Variants in MAGI3 observed in about 807,000 individuals in gnomAD.
MAGI3 encodes the protein membrane associated guanylate kinase, WW and PDZ domain containing 3, also known as membrane-associated guanylate kinase, WW and PDZ domain-containing protein 3.
Under a neutral mutation model 121.8 loss-of-function variants are expected in MAGI3, and 43 were observed. The ratio of observed to expected loss-of-function variants is 0.35; its 90% CI spans 0.28 to 0.46. The LOEUF (loss-of-function observed/expected upper bound fraction) is 0.46. Ranked by LOEUF, MAGI3 falls within the 20% of genes least tolerant of loss-of-function variation. The probability of loss-of-function intolerance (pLI) is 1.00; values close to 1 mark genes in which losing one functional copy is unlikely to be tolerated. For synonymous variants in MAGI3, 553 were observed against 639.3 expected, an observed-to-expected ratio of 0.86 and a Z score of 2.04; for missense variants, 1,547 against 1,797.3, an observed-to-expected ratio of 0.86 and a Z score of 2.52.
intron 1 of MAGI3, among the ~76,000 whole-genome samples, chr1:113,417,987 A>G (rs1193049312): frequency 1.3e-5 from 2 of 152,078 alleles, no homozygotes; most frequent in Non-Finnish European, 2.9e-5. Context: ...AATATTTTTT[A>G]TATCCTCATC....
intron 1 of MAGI3, among the ~76,000 whole-genome samples, chr1:113,536,279 C>T (rs941923826): frequency 6.6e-6 from 1 of 151,850 alleles, no homozygotes; most frequent in African/African-American, 2.4e-5. Flanking sequence ...ACAGGGTTTG[C>T]CACTGTGTCA....
At chr1:113,621,842 C>A (rs932785157) in intron 8 of MAGI3, among the ~76,000 whole-genome samples, 21 of 151,680 alleles carry the variant, frequency 1.4e-4, no homozygotes, top group Non-Finnish European at 2.8e-4. Context: ...GTGAAAGAAA[C>A]CATTCAAAAA....
intron 9 of MAGI3, among the ~76,000 whole-genome samples, chr1:113,634,109 T>G (rs538222363): frequency 4.4e-4 from 67 of 152,314 alleles, no homozygotes; most frequent in Non-Finnish European, 7.6e-4. Flanking sequence ...TAAATTTGTT[T>G]GAGTTCATTG....
intron 17 of MAGI3, 133 bp from the exon 18 acceptor site, chr1:113,672,482 A>G: frequency 4.6e-6 from 4 of 869,272 alleles, no homozygotes; most frequent in Non-Finnish European, 5.0e-6. Flanking sequence ...TTTTAGATAT[A>G]GTCTGTCTTC....
intron 1 of MAGI3, among the ~76,000 whole-genome samples, chr1:113,540,152 A>G (rs776450446): frequency 6.6e-6 from 1 of 152,232 alleles, no homozygotes; most frequent in Non-Finnish European, 1.5e-5. Flanking sequence ...TGTGTCTTTG[A>G]AGTCTACAGT....
intron 1 of MAGI3, among the ~76,000 whole-genome samples, chr1:113,419,791 C>T (rs957995932): frequency 1.3e-5 from 2 of 152,132 alleles, no homozygotes; most frequent in African/African-American, 2.4e-5. Context: ...GGTCAGAGGT[C>T]TAAGTGGGTA....
At chr1:113,578,647 T>C (rs994387942) in intron 2 of MAGI3, among the ~76,000 whole-genome samples, 2 of 152,130 alleles carry the variant, frequency 1.3e-5, no homozygotes, top group African/African-American at 4.8e-5. Flanking sequence ...TGAGTTAATG[T>C]CTAATGTTAA....
chr1:113,616,147 T>C (rs1650447120), intron 7 of MAGI3, among the ~76,000 whole-genome samples: 1 of 152,194 alleles, frequency 6.6e-6, no homozygotes, highest in African/African-American at 2.4e-5. Context: ...GATATAATAT[T>C]AAAGCAACTT....
At chr1:113,632,429 T>C (rs1267751970) in intron 9 of MAGI3, among the ~76,000 whole-genome samples, 6 of 152,206 alleles carry the variant, frequency 3.9e-5, no homozygotes, top group Non-Finnish European at 1.5e-5. Flanking sequence ...ATTGAGTTTT[T>C]TAAAAGCCAT....
chr1:113,631,920 A>G (rs1651657225), intron 9 of MAGI3, among the ~76,000 whole-genome samples: 1 of 152,162 alleles, frequency 6.6e-6, no homozygotes, highest in South Asian at 2.1e-4. Context: ...AAGGTTGAAG[A>G]CTAGTTTCTG....
chr1:113,647,954 C>G (rs1458978451), intron 12 of MAGI3, among the ~76,000 whole-genome samples: 3 of 148,894 alleles, frequency 2.0e-5, no homozygotes, highest in African/African-American at 7.5e-5. Context: ...CAGAGTCTTG[C>G]TCTGTCACCC....
At chr1:113,611,711 C>T (rs1650147819) in intron 6 of MAGI3, among the ~76,000 whole-genome samples, 1 of 152,042 alleles carries the variant, frequency 6.6e-6, no homozygotes, top group Non-Finnish European at 1.5e-5. Context: ...TGTCACAGTT[C>T]ACCTTAATCA....
At chr1:113,458,518 A>G (rs1475384150) in intron 1 of MAGI3, among the ~76,000 whole-genome samples, 1 of 151,906 alleles carries the variant, frequency 6.6e-6, no homozygotes. Context: ...TTTTACTTTT[A>G]TATTTTTTTG....
chr1:113,485,788 T>C (rs1656354175), intron 1 of MAGI3, among the ~76,000 whole-genome samples: 1 of 152,232 alleles, frequency 6.6e-6, no homozygotes, highest in South Asian at 2.1e-4. Flanking sequence ...AGAATCTTTA[T>C]GATTTCAGGT....
intron 1 of MAGI3, among the ~76,000 whole-genome samples, chr1:113,433,995 C>CT (rs1478463338): frequency 6.6e-6 from 1 of 152,052 alleles, no homozygotes; most frequent in African/African-American, 2.4e-5. Flanking sequence ...ACTTTAAAGT[C>CT]TTTTGAGAGA....
intron 1 of MAGI3, among the ~76,000 whole-genome samples, chr1:113,526,507 C>T (rs148270198): frequency 3.4e-4 from 52 of 152,086 alleles, no homozygotes; most frequent in Non-Finnish European, 6.0e-4. Flanking sequence ...GTCAGAATGA[C>T]GGTGGGTATG....
At chr1:113,448,815 T>TA (rs1654309766) in intron 1 of MAGI3, among the ~76,000 whole-genome samples, 1 of 152,006 alleles carries the variant, frequency 6.6e-6, no homozygotes, top group Non-Finnish European at 1.5e-5. Flanking sequence ...CATTAGTTGC[T>TA]AAAAAATAAA....
intron 13 of MAGI3, 49 bp downstream of exon 13, chr1:113,649,377 G>A: frequency 1.5e-6 from 2 of 1,336,856 alleles, no homozygotes; most frequent in Non-Finnish European, 2.1e-6. Flanking sequence ...CAAACGTTTT[G>A]AGTGGTGATT....
At chr1:113,637,434 A>G (rs1393008321) in intron 9 of MAGI3, among the ~76,000 whole-genome samples, 1 of 152,170 alleles carries the variant, frequency 6.6e-6, no homozygotes, top group African/African-American at 2.4e-5. Context: ...GGTTGTGACA[A>G]AATCTCTCAG....
Sources: allele counts gnomAD v4.1 joint callset (sites outside exome capture counted in the v4.1 genomes callset), GRCh38; gene constraint gnomAD v4.1.1; transcripts MANE v1.5; gene names NCBI Gene and HGNC (gene_info 2026-07-23, HGNC 2026-07-21).